The following SH3GL2 variants were observed in gnomAD, a reference collection of about 807,000 sequenced individuals.
SH3GL2 encodes endophilin-A1.
SH3GL2 carries 24 observed loss-of-function variants against 46.0 expected under a neutral mutation model. The observed-to-expected ratio is 0.52, with a 90% confidence interval of 0.38 to 0.73. The LOEUF is 0.73. Ranked by LOEUF, SH3GL2 falls within the 30% of genes least tolerant of loss-of-function variation. The pLI is 0.00. For missense variants in SH3GL2, 413 were observed against 424.2 expected (o/e 0.97, Z 0.23); for synonymous variants, 196 against 147.1 (o/e 1.33, Z -2.40).
intron 1 of SH3GL2, among the ~76,000 whole-genome samples, chr9:17,693,938 A>G (rs1269268583): frequency 6.6e-6 from 1 of 152,212 alleles, no homozygotes; most frequent in Non-Finnish European, 1.5e-5. Flanking sequence ...AGTGGAGAAG[A>G]GGAAGCTTAT....
chr9:17,772,639 C>G (rs1044114981), intron 3 of SH3GL2, among the ~76,000 whole-genome samples: 3 of 152,096 alleles, frequency 2.0e-5, no homozygotes, highest in Non-Finnish European at 2.9e-5. Flanking sequence ...CATAATGTCC[C>G]AAGGTTTACT....
At chr9:17,682,944 TCA>T (rs138927532) in intron 1 of SH3GL2, among the ~76,000 whole-genome samples, 3,783 of 152,192 alleles carry the variant, frequency 0.025, 63 homozygotes, top group African/African-American at 0.032. Context: ...TGTAGAAAGC[TCA>T]CAGAGTGTTG....
intron 3 of SH3GL2, among the ~76,000 whole-genome samples, chr9:17,783,278 A>G (rs1823864020): frequency 6.6e-6 from 1 of 151,846 alleles, no homozygotes; most frequent in Non-Finnish European, 1.5e-5. Flanking sequence ...GCTGTTTTCC[A>G]TGGAAAGCAA....
chr9:17,738,862 C>T (rs1156413584), intron 1 of SH3GL2, among the ~76,000 whole-genome samples: 1 of 151,860 alleles, frequency 6.6e-6, no homozygotes, highest in East Asian at 1.9e-4. Context: ...TGAGGCCCAC[C>T]CACATTATGA....
intron 1 of SH3GL2, among the ~76,000 whole-genome samples, chr9:17,722,923 T>G (rs1031594971): frequency 7.9e-5 from 12 of 152,154 alleles, no homozygotes; most frequent in Admixed American, 3.3e-4. Flanking sequence ...TTATCTCAGC[T>G]TCACTGCTGA....
intron 1 of SH3GL2, among the ~76,000 whole-genome samples, chr9:17,612,553 G>A (rs2134583660): frequency 6.6e-6 from 1 of 152,274 alleles, no homozygotes; most frequent in South Asian, 2.1e-4. Flanking sequence ...AATAAGGTGA[G>A]GAGAGGAAGG....
intron 5 of SH3GL2, 57 bp downstream of exon 5, chr9:17,787,570 C>T (rs1823997497): frequency 6.9e-7 from 1 of 1,452,822 alleles, no homozygotes; most frequent in South Asian, 1.2e-5. Context: ...GATGCAGATG[C>T]CTTTTTTCTT....
chr9:17,751,130 G>C (rs1349569230), intron 2 of SH3GL2, among the ~76,000 whole-genome samples: 2 of 152,174 alleles, frequency 1.3e-5, no homozygotes, highest in Non-Finnish European at 2.9e-5. Flanking sequence ...AGATGTCCTA[G>C]GGATAGAAAC....
chr9:17,653,910 A>G, intron 1 of SH3GL2: 1 of 926,200 alleles, frequency 1.1e-6, no homozygotes, highest in Non-Finnish European at 1.3e-6. Flanking sequence ...TCAAACAGGT[A>G]GAAAACATCA....
At chr9:17,760,113 G>T (rs1823124634) in intron 2 of SH3GL2, among the ~76,000 whole-genome samples, 1 of 151,974 alleles carries the variant, frequency 6.6e-6, no homozygotes. Flanking sequence ...ATCACTACCT[G>T]GTACACACTC....
At chr9:17,789,633 A>G (rs770669356) in intron 6 of SH3GL2, 83 bp downstream of exon 6, 144 of 1,578,032 alleles carry the variant, frequency 9.1e-5, no homozygotes, top group Non-Finnish European at 1.2e-4. Context: ...CCTTAAAAGC[A>G]TTAATATCTG....
chr9:17,638,464 A>G lies in SH3GL2; in HGVS notation c.45+59177A>G, dbSNP rs951234924. 2.6e-5 allele frequency among the ~76,000 whole-genome samples: 4 copies of G among 152,334 alleles called. No homozygotes were observed. In the South Asian group the frequency reaches 8.3e-4, roughly 32 times the overall value. Reference sequence around the variant, plus strand: ...AAAAAGTCAACAAGTAAATGAAAACATTGTTGTGAAAGTATCATGAGGAAA... The same window carrying G: ...AAAAAGTCAACAAGTAAATGAAAACGTTGTTGTGAAAGTATCATGAGGAAA... On this transcript the variant is annotated intron_variant, in intron 1 of 8. Transcript: ENST00000380607.
intron 3 of SH3GL2, among the ~76,000 whole-genome samples, chr9:17,772,411 A>G (rs1322553471): frequency 6.6e-6 from 1 of 152,174 alleles, no homozygotes; most frequent in Non-Finnish European, 1.5e-5. Context: ...TACATTCATA[A>G]TGTTGCGTAA....
intron 1 of SH3GL2, among the ~76,000 whole-genome samples, chr9:17,645,151 C>CTTTTTTTTTTTTTTTTTTTTTTT (rs57611978): frequency 4.4e-5 from 3 of 68,778 alleles, no homozygotes; most frequent in Middle Eastern, 9.6e-3. Context: ...GCAAACGCTG[C>CTTTTTTTTTTTTTTTTTTTTTTT]TTTTTTTTTT....
At chr9:17,654,685 G>A (rs1037104521) in intron 1 of SH3GL2, among the ~76,000 whole-genome samples, 6 of 152,172 alleles carry the variant, frequency 3.9e-5, no homozygotes, top group African/African-American at 1.4e-4. Context: ...ATAAAAATGA[G>A]TTTAATTATC....
At chr9:17,778,908 C>T (rs1340335472) in intron 3 of SH3GL2, among the ~76,000 whole-genome samples, 1 of 151,996 alleles carries the variant, frequency 6.6e-6, no homozygotes, top group Non-Finnish European at 1.5e-5. Flanking sequence ...ATAGGAGGAG[C>T]AGGTTTGGGA....
chr9:17,636,145 T>C (rs1314354910), intron 1 of SH3GL2, among the ~76,000 whole-genome samples: 1 of 152,228 alleles, frequency 6.6e-6, no homozygotes, highest in African/African-American at 2.4e-5. Flanking sequence ...GTATGGAATA[T>C]TAATGATGGA....
chr9:17,641,775 C>CT (rs1183835161), intron 1 of SH3GL2, among the ~76,000 whole-genome samples: 4 of 152,056 alleles, frequency 2.6e-5, no homozygotes, highest in East Asian at 3.9e-4. Context: ...TGAACTTATC[C>CT]TTTTTTGTGG....
At chr9:17,769,073 G>A (rs1006698468) in intron 3 of SH3GL2, among the ~76,000 whole-genome samples, 1 of 152,110 alleles carries the variant, frequency 6.6e-6, no homozygotes, top group African/African-American at 2.4e-5. Flanking sequence ...CAAAGCCTTC[G>A]CTGGGGTCTC....
Sources: allele counts gnomAD v4.1 joint callset (sites outside exome capture counted in the v4.1 genomes callset), GRCh38; gene constraint gnomAD v4.1.1; transcripts MANE v1.5; gene names NCBI Gene and HGNC (gene_info 2026-07-23, HGNC 2026-07-21).